RRP12: variants seen among roughly 807,000 people sequenced by gnomAD.
RRP12 encodes RRP12-like protein.
Under a neutral mutation model 157.3 loss-of-function variants are expected in RRP12, and 78 were observed. The observed-to-expected ratio is 0.50, with a 90% CI of 0.41 to 0.60. The LOEUF (loss-of-function observed/expected upper bound fraction) is 0.60, where lower values mean the gene tolerates loss of function less well. RRP12 is among the 20% of genes least tolerant of loss of function. RRP12 has a pLI of 0.00. For synonymous variants in RRP12, 726 were observed against 670.9 expected, an observed-to-expected ratio of 1.08 and a Z score of -1.27; for missense variants, 1,521 against 1,679.9, an observed-to-expected ratio of 0.91 and a Z score of 1.65.
chr10:97,380,523 G>A (rs1718499836), intron 13 of RRP12, among the ~76,000 whole-genome samples: 2 of 152,186 alleles, frequency 1.3e-5, no homozygotes, highest in Admixed American at 1.3e-4. Flanking sequence ...GATAAGGGGT[G>A]GGGATAAGGG....
At chr10:97,372,896 A>G in intron 18 of RRP12, 93 bp from the exon 19 acceptor site, 1 of 1,440,244 alleles carries the variant, frequency 6.9e-7, no homozygotes, top group Non-Finnish European at 9.6e-7. Flanking sequence ...CCTCCCCATC[A>G]GCCCCCAGCC....
rs537416030 is a variant in RRP12, at chr10:97,369,556, G to T, written c.2824C>A (p.Gln942Lys). The T allele has an allele frequency of 8.9e-6, 14 of 1,573,448 alleles. No individual in the cohort carries two copies. Among genetic ancestry groups the T allele is most frequent in the African/African-American group, 2.7e-5 (2 of 74,164 alleles). The change falls in exon 25 of 34, where the codon CAG becomes AAG. Residue 942 changes from glutamine (Q) to lysine (K), a missense_variant. Physicochemically the swap from Gln to Lys is moderately conservative, Grantham distance 53. Coordinates refer to ENST00000370992, the MANE Select transcript of RRP12 (RefSeq NM_015179.4). Reference sequence around the variant, plus strand: ...AGCAGGCACACATTCTCCAGCAGCTGCTCCACTGTACTGGTCCCCATCAGA... The same window carrying T: ...AGCAGGCACACATTCTCCAGCAGCTTCTCCACTGTACTGGTCCCCATCAGA... Reference protein sequence around the residue: ...KGLMGTSTVEQLLENVCLLLA... With the variant: ...KGLMGTSTVEKLLENVCLLLA...
At chr10:97,378,163 C>T (rs1339811469) in intron 15 of RRP12, among the ~76,000 whole-genome samples, 1 of 152,162 alleles carries the variant, frequency 6.6e-6, no homozygotes, top group Admixed American at 6.6e-5. Flanking sequence ...TGGGGATGTG[C>T]AGCCTGAAGA....
In RRP12 at chr10:97,358,541, G is replaced by C; in HGVS notation, c.3787C>G (p.Arg1263Gly). The change falls in exon 33 of 34, where the codon CGC (arginine) becomes GGC (glycine). Residue 1263 changes from arginine to glycine, a missense_variant. Physicochemically the swap from Arg to Gly is moderately radical, Grantham distance 125. Coordinates refer to ENST00000370992, the MANE Select transcript of RRP12 (RefSeq NM_015179.4). ...CTGCCTGGCACAGCGTCATACCTGC[G>C]GTTGAGCTTGCTTCTGTTGAGGGGG... ...YIPLNRSKLN[R>G]RKKMKLQGQF... The C allele has an allele frequency of 6.2e-7, 1 of 1,613,062 alleles. No homozygotes were observed. The highest frequency in any genetic ancestry group is 1.1e-5 in the South Asian group (1 of 91,046).
In RRP12 at chr10:97,379,421, A is replaced by G. The variant is rs2133065041; in HGVS notation, c.1677-7T>C. On this transcript the variant is annotated splice_region_variant and splice_polypyrimidine_tract_variant and intron_variant, in intron 14 of 33. Transcript: ENST00000370992. ...TGGGAAATCCAGAGTCTCCCTGGGA[A>G]GAGAATGGGAAGAACCCAATGAGGA... 1 of 1,613,868 alleles carries G rather than the reference A, an allele frequency of 6.2e-7. No individual in the cohort carries two copies.
At chr10:97,387,135 TC>T (rs1253550526) in intron 8 of RRP12, among the ~76,000 whole-genome samples, 9 of 152,162 alleles carry the variant, frequency 5.9e-5, no homozygotes, top group Middle Eastern at 3.4e-3. Flanking sequence ...CCTACACGCA[TC>T]CTCCCATACA....
At chr10:97,380,690 T>C (rs1303486701) in intron 13 of RRP12, 109 bp downstream of exon 13, 5 of 757,050 alleles carry the variant, frequency 6.6e-6, no homozygotes, top group Non-Finnish European at 1.1e-5. Flanking sequence ...CCTGTCAGGG[T>C]GGGGTGCGGA....
At chr10:97,386,986 T>A (rs1589434261) in intron 8 of RRP12, among the ~76,000 whole-genome samples, 2 of 124,914 alleles carry the variant, frequency 1.6e-5, no homozygotes, top group Non-Finnish European at 3.3e-5. Context: ...CGAGACTCCA[T>A]CACAAAAAAA....
intron 15 of RRP12, among the ~76,000 whole-genome samples, chr10:97,376,057 C>T (rs1031729712): frequency 8.6e-5 from 13 of 151,662 alleles, no homozygotes; most frequent in Admixed American, 3.9e-4. Context: ...GAGCCAAGAT[C>T]GCACCACTGC....
chr10:97,372,064 G>C lies in RRP12; in HGVS notation c.2343+9C>G, dbSNP rs771251933. 1 of 1,605,840 alleles carries C rather than the reference G, an allele frequency of 6.2e-7. No homozygotes were observed. Among genetic ancestry groups the C allele is most frequent in the Non-Finnish European group, 8.5e-7 (1 of 1,174,428 alleles). On this transcript the variant is annotated intron_variant, in intron 20 of 33. Transcript: ENST00000370992. ...TGGCTGTGTGGCGCTCCTGGCCCCC[G>C]AGGCTCACCTCTAGGTAGGGCCGGA...
At position 97,401,304 on chromosome 10, in the gene RRP12, A is replaced by T; in HGVS notation, c.-73T>A. 6.3e-7 allele frequency: 1 copy of T among 1,581,652 alleles called. No individual in the cohort carries two copies. Among genetic ancestry groups the T allele is most frequent in the Non-Finnish European group, 8.7e-7 (1 of 1,153,666 alleles). ...GGACGTAGAAACACGCTCAGAACCCACGTGGATACCCTGTAGCCTTCACTT... is the reference window on the plus strand; with the variant it reads ...GGACGTAGAAACACGCTCAGAACCCTCGTGGATACCCTGTAGCCTTCACTT... On this transcript the variant is annotated 5_prime_UTR_variant, in exon 1 of 34. Coordinates refer to ENST00000370992, the MANE Select transcript of RRP12 (RefSeq NM_015179.4).
At chr10:97,379,819 G>A (rs766808621) in intron 13 of RRP12, 49 bp from the exon 14 acceptor site, 2 of 1,548,152 alleles carry the variant, frequency 1.3e-6, no homozygotes, top group East Asian at 4.5e-5. Context: ...CGAAAGCAGG[G>A]ACCCATGACA....
intron 4 of RRP12, among the ~76,000 whole-genome samples, chr10:97,392,425 A>G (rs1013930955): frequency 2.6e-5 from 4 of 152,120 alleles, no homozygotes; most frequent in African/African-American, 4.8e-5. Context: ...TCTTGGCTCA[A>G]TGCAACCTCC....
rs1844191564 is a variant in RRP12, at chr10:97,372,723, C to T, written c.2249+13G>A. ...GCTGCTCCAGCTCAAGTGGGAGGCCCTGAGCATGTTACCTGGTAAAGTCAG... is the reference window on the plus strand; with the variant it reads ...GCTGCTCCAGCTCAAGTGGGAGGCCTTGAGCATGTTACCTGGTAAAGTCAG... On this transcript the variant is annotated intron_variant, in intron 19 of 33. Coordinates refer to ENST00000370992, the MANE Select transcript of RRP12 (RefSeq NM_015179.4). 3 of 1,554,518 alleles carry T rather than the reference C, an allele frequency of 1.9e-6. No homozygotes were observed. The highest frequency in any genetic ancestry group is 1.4e-5 in the African/African-American group (1 of 73,168).
intron 3 of RRP12, among the ~76,000 whole-genome samples, chr10:97,395,507 G>A (rs142401057): frequency 1.1e-3 from 163 of 149,448 alleles, no homozygotes; most frequent in African/African-American, 3.9e-3. Context: ...AACTGGGATC[G>A]TGCCACTGCA....
Position 97,379,669 on chromosome 10 carries a change from C to G in RRP12, c.1635G>C (p.Glu545Asp). The change falls in exon 14 of 34, where the codon GAG becomes GAC. Residue 545 changes from glutamate (E) to aspartate (D), a missense_variant. Physicochemically the swap from Glu to Asp is conservative, Grantham distance 45. Transcript: ENST00000370992. ...VGAAVTSMGPEVVLQAVPLEI... is the reference protein window; with the variant it reads ...VGAAVTSMGPDVVLQAVPLEI... The stretch of plus-strand genomic sequence containing the variant: ...CCAAAGGCACAGCCTGCAGCACCAC[C>G]TCAGGTCCCATACTGGTCACCGCAG... 1 of 1,614,086 alleles carries G rather than the reference C, an allele frequency of 6.2e-7. No homozygotes were observed. The highest frequency in any genetic ancestry group is 1.1e-5 in the South Asian group (1 of 91,084).
chr10:97,359,113 G>C, intron 31 of RRP12, 103 bp from the exon 32 acceptor site: 1 of 796,644 alleles, frequency 1.3e-6, no homozygotes, highest in Admixed American at 2.5e-5. Context: ...GAGCAGATGA[G>C]TGAAGGCCAG....
At chr10:97,369,050 T>TG (rs1196195935) in intron 25 of RRP12, among the ~76,000 whole-genome samples, 1 of 148,280 alleles carries the variant, frequency 6.7e-6, no homozygotes, top group African/African-American at 2.5e-5. Flanking sequence ...AAATGCAAGA[T>TG]GGGAAAAAAA....
At chr10:97,398,103 G>A (rs1377549249) in intron 2 of RRP12, among the ~76,000 whole-genome samples, 1 of 76,024 alleles carries the variant, frequency 1.3e-5, no homozygotes. Context: ...GCCGGACTGC[G>A]GACTGCAGTG....
Sources: allele counts gnomAD v4.1 joint callset (sites outside exome capture counted in the v4.1 genomes callset), GRCh38; gene constraint gnomAD v4.1.1; transcripts MANE v1.5; gene names NCBI Gene and HGNC (gene_info 2026-07-23, HGNC 2026-07-21).